The following LIMS2 variants were observed in gnomAD, a reference collection of about 807,000 sequenced individuals.
LIMS2 encodes the protein LIM and senescent cell antigen-like-containing domain protein 2.
A neutral mutation model predicts 45.3 loss-of-function variants in LIMS2; 30 were observed. The ratio of observed to expected loss-of-function variants is 0.66; its 90% CI spans 0.50 to 0.90. The LOEUF is 0.90. Ranked by LOEUF, LIMS2 falls within the 40% of genes least tolerant of loss-of-function variation. The pLI, the probability that LIMS2 is intolerant of heterozygous loss-of-function variation, is 0.00. For synonymous variants in LIMS2, 173 were observed against 188.0 expected, an observed-to-expected ratio of 0.92 and a Z score of 0.65; for missense variants, 485 against 468.7, an observed-to-expected ratio of 1.03 and a Z score of -0.32.
At chr2:127,659,191 A>C (rs1684457332) in intron 1 of LIMS2, among the ~76,000 whole-genome samples, 1 of 152,178 alleles carries the variant, frequency 6.6e-6, no homozygotes, top group South Asian at 2.1e-4. Context: ...TTAGGGACCC[A>C]TGTGGCAGAG....
At chr2:127,643,324 T>A in intron 4 of LIMS2, 1 of 556,920 alleles carries the variant, frequency 1.8e-6, no homozygotes, top group South Asian at 1.9e-5. Flanking sequence ...TGGATGGTAT[T>A]TTCCTCTTTC....
intron 1 of LIMS2, among the ~76,000 whole-genome samples, chr2:127,670,015 T>C (rs1220681667): frequency 6.6e-6 from 1 of 152,248 alleles, no homozygotes; most frequent in Non-Finnish European, 1.5e-5. Flanking sequence ...GGAACCTTCA[T>C]ACATTCCTGG....
At chr2:127,651,639 G>A (rs1261893456) in intron 4 of LIMS2, 2 of 1,613,482 alleles carry the variant, frequency 1.2e-6, no homozygotes, top group East Asian at 2.2e-5. Flanking sequence ...CTTCGTGGCT[G>A]AGAAGTTCCG....
At chr2:127,654,351 A>G (rs1684089106) in intron 4 of LIMS2, 73 bp downstream of exon 4, 1 of 1,602,318 alleles carries the variant, frequency 6.2e-7, no homozygotes, top group Non-Finnish European at 8.5e-7. Context: ...AGTGGGTAGC[A>G]CACAGGAGAG....
chr2:127,649,083 GAAA>G (rs1315167396), intron 4 of LIMS2, among the ~76,000 whole-genome samples: 1 of 124,806 alleles, frequency 8.0e-6, no homozygotes, highest in African/African-American at 2.8e-5. Flanking sequence ...AAAAAGAAAA[GAAA>G]AAAAGAAAAA....
chr2:127,639,213 G>T lies in LIMS2; in HGVS notation c.*68C>A. The stretch of plus-strand genomic sequence containing the variant: ...GAGGGCACAGGTGGATGGGGACGAG[G>T]GGGCCAAGCATGGACAGCAGGAGGG... On this transcript the variant is annotated 3_prime_UTR_variant, in exon 10 of 10. Transcript: ENST00000355119. The T allele has an allele frequency of 6.4e-7, 1 of 1,555,430 alleles. No homozygotes were observed. Among genetic ancestry groups the T allele is most frequent in the Non-Finnish European group, 8.8e-7 (1 of 1,139,822 alleles).
chr2:127,671,458 C>T lies in LIMS2; in HGVS notation c.11+3556G>A, dbSNP rs908569449. Among the ~76,000 whole-genome samples the T allele has an allele frequency of 3.3e-5, 5 of 151,590 alleles. No individual in the cohort carries two copies. Among genetic ancestry groups the T allele is most frequent in the South Asian group, 2.1e-4 (1 of 4,796 alleles). The stretch of plus-strand genomic sequence containing the variant: ...AAAAAAAAAAAAAAGAGCCTGCATG[C>T]GGCACAGCACAGATAGGGACAGACA... On this transcript the variant is annotated intron_variant, in intron 1 of 9. Coordinates refer to ENST00000355119, the MANE Select transcript of LIMS2 (RefSeq NM_001161403.3). This position sits in a 1 kb window ranked among gnomAD's most constrained non-coding sequence, Gnocchi z 4.1.
Position 127,642,535 on chromosome 2 carries a change from C to T in LIMS2, c.510-336G>A, listed in dbSNP as rs116043563. 2.6e-3 allele frequency: 832 copies of T among 313,970 alleles called. 6 individuals carry two copies. The highest frequency in any genetic ancestry group is 0.017 in the African/African-American group (775 of 46,504). 19.4% of individuals were successfully genotyped at this position (313,970 alleles called of 1,614,324 possible). A position where few individuals can be genotyped will look rare whatever the true frequency, so the allele number is the denominator to read the frequency against. On this transcript the variant is annotated intron_variant, in intron 5 of 9. Coordinates refer to ENST00000355119, the MANE Select transcript of LIMS2 (RefSeq NM_001161403.3). The surrounding 1 kb of genome is among the most constrained non-coding windows in gnomAD (Gnocchi z 5.3). ...GACTGGAGGGGACGGTGGGGGTGGG[C>T]GAGGACGGGGGCTGAGGGGCTGCCT...
intron 2 of LIMS2, 171 bp from the exon 3 acceptor site, chr2:127,655,067 C>T: frequency 1.4e-6 from 1 of 692,198 alleles, no homozygotes; most frequent in Non-Finnish European, 2.6e-6. Flanking sequence ...GGACACTGGC[C>T]CTTTTGGGAT....
At chr2:127,666,378 G>T (rs575877209) in intron 1 of LIMS2, among the ~76,000 whole-genome samples, 1 of 152,234 alleles carries the variant, frequency 6.6e-6, no homozygotes, top group African/African-American at 2.4e-5. Flanking sequence ...GATGAATCTT[G>T]GTAAACAAAC....
Position 127,675,218 on chromosome 2 carries a change from A to T in LIMS2, c.-194T>A. 12 of 129,544 alleles carry T rather than the reference A, an allele frequency of 9.3e-5. No homozygotes were observed. Among genetic ancestry groups the T allele is most frequent in the Admixed American group, 1.5e-4 (2 of 13,216 alleles). The allele number at this position is 129,544 out of a possible 1,614,324, so 8.0% of individuals were successfully genotyped here. A position where few individuals can be genotyped will look rare whatever the true frequency, so the allele number is the denominator to read the frequency against. On this transcript the variant is annotated 5_prime_UTR_variant, in exon 1 of 10. Coordinates refer to ENST00000355119, the MANE Select transcript of LIMS2 (RefSeq NM_001161403.3). ...GGTGGGGCCCGCGGGGCGGGGTGGGATGGGGAGGTCAAGGCTGAGGGTGGT... is the reference window on the plus strand; with the variant it reads ...GGTGGGGCCCGCGGGGCGGGGTGGGTTGGGGAGGTCAAGGCTGAGGGTGGT...
rs148774105 is a variant in LIMS2, at chr2:127,653,444, C to T, written c.359+980G>A. Among the ~76,000 whole-genome samples, 726 of 152,236 alleles carry T rather than the reference C, an allele frequency of 4.8e-3. 6 individuals are homozygous for T. Among genetic ancestry groups the T allele is most frequent in the African/African-American group, 0.017 (690 of 41,532 alleles). ...GTGACATGTGGGCAGCTGAGGACAGCGAGAGAGAGGCCTGAAGTGGAGCCT... is the reference window on the plus strand; with the variant it reads ...GTGACATGTGGGCAGCTGAGGACAGTGAGAGAGAGGCCTGAAGTGGAGCCT... On this transcript the variant is annotated intron_variant, in intron 4 of 9. Coordinates refer to ENST00000355119, the MANE Select transcript of LIMS2 (RefSeq NM_001161403.3). This position sits in a 1 kb window ranked among gnomAD's most constrained non-coding sequence, Gnocchi z 5.3.
intron 4 of LIMS2, chr2:127,644,072 C>T (rs1416448313): frequency 2.2e-6 from 1 of 456,536 alleles, no homozygotes; most frequent in Non-Finnish European, 4.4e-6. Flanking sequence ...CCAGGACCTG[C>T]TACTGCTGGG....
At chr2:127,669,055 T>C (rs1035129082) in intron 1 of LIMS2, among the ~76,000 whole-genome samples, 1 of 152,154 alleles carries the variant, frequency 6.6e-6, no homozygotes, top group Non-Finnish European at 1.5e-5. Context: ...ATCTTGCCAC[T>C]GCACTCCAGC....
chr2:127,660,344 GT>G (rs755665626), intron 1 of LIMS2, among the ~76,000 whole-genome samples: 1 of 152,292 alleles, frequency 6.6e-6, no homozygotes, highest in Non-Finnish European at 1.5e-5. Context: ...GGTGTGGAAA[GT>G]TTGTTCTTTT....
At chr2:127,641,913 C>A in intron 6 of LIMS2, 136 bp downstream of exon 6, 1 of 1,042,352 alleles carries the variant, frequency 9.6e-7, no homozygotes, top group Non-Finnish European at 1.4e-6. Context: ...AGGGGCAGTA[C>A]CCCTGAGGAA....
chr2:127,668,699 A>C (rs1305647037), intron 1 of LIMS2, among the ~76,000 whole-genome samples: 74 of 98,094 alleles, frequency 7.5e-4, no homozygotes, highest in African/African-American at 2.6e-3. Flanking sequence ...AAAAAAAAAA[A>C]AAAAAAAAAA....
Position 127,642,098 on chromosome 2 carries a change from G to A in LIMS2, c.611C>T (p.Pro204Leu). Residue 204 changes from proline to leucine, a missense_variant, in exon 6 of 10, where the codon CCC (proline) becomes CTC (leucine). By Grantham distance (98) the Pro-to-Leu change is moderately conservative (BLOSUM62 -3). Coordinates refer to ENST00000355119, the MANE Select transcript of LIMS2 (RefSeq NM_001161403.3). This position sits in a 1 kb window ranked among gnomAD's most constrained non-coding sequence, Gnocchi z 5.3. ...GVPICGACRR[P>L]IEGRVVNALG... ...CGCGTTGACCACTCGGCCCTCGATG[G>A]GCCGGCGGCAGGCCCCGCAGATGGG... The A allele has an allele frequency of 6.2e-7, 1 of 1,609,588 alleles. No individual in the cohort carries two copies. Among genetic ancestry groups the A allele is most frequent in the Non-Finnish European group, 8.5e-7 (1 of 1,177,998 alleles).
Position 127,663,704 on chromosome 2 carries a change from C to T in LIMS2, c.12-6142G>A, listed in dbSNP as rs144030941. On this transcript the variant is annotated intron_variant, in intron 1 of 9. Coordinates refer to ENST00000355119, the MANE Select transcript of LIMS2 (RefSeq NM_001161403.3). ...ATCTGTCACCTTGATGCCAAGGACC[C>T]CAAGGTCACAGCCCTATTGCTCTCT... is the stretch of plus-strand genomic sequence containing the variant. 3.0e-3 allele frequency among the ~76,000 whole-genome samples: 455 copies of T among 152,084 alleles called. 2 individuals carry two copies. The highest frequency in any genetic ancestry group is 5.5e-3 in the Non-Finnish European group (371 of 67,986).
Sources: allele counts gnomAD v4.1 joint callset (sites outside exome capture counted in the v4.1 genomes callset), GRCh38; gene constraint gnomAD v4.1.1; non-coding constraint Gnocchi (gnomAD v3.1); transcripts MANE v1.5; gene names NCBI Gene and HGNC (gene_info 2026-07-23, HGNC 2026-07-21).